Variants in SHISA6 observed in about 807,000 individuals in gnomAD.
SHISA6 encodes the protein protein shisa-6.
A neutral mutation model predicts 47.9 loss-of-function variants in SHISA6; 22 were observed. The ratio of observed to expected loss-of-function variants is 0.46; its 90% CI spans 0.33 to 0.66. The LOEUF is 0.66. Ranked by LOEUF, SHISA6 falls within the 30% of genes least tolerant of loss-of-function variation. The pLI, the probability that SHISA6 is intolerant of heterozygous loss-of-function variation, is 0.02. For synonymous variants in SHISA6, 388 were observed against 337.8 expected (o/e 1.15, Z -1.63); for missense variants, 680 against 764.6 (o/e 0.89, Z 1.30).
intron 3 of SHISA6, among the ~76,000 whole-genome samples, chr17:11,463,489 T>C (rs1391978336): frequency 1.3e-5 from 2 of 152,226 alleles, no homozygotes; most frequent in African/African-American, 2.4e-5. Context: ...AATTACAGCC[T>C]CTTCTCCAAT....
intron 3 of SHISA6, among the ~76,000 whole-genome samples, chr17:11,433,572 C>G (rs1914850845): frequency 6.6e-6 from 1 of 152,144 alleles, no homozygotes; most frequent in Non-Finnish European, 1.5e-5. Context: ...TTGTGGAAGA[C>G]AGCATGGCGT....
intron 4 of SHISA6, among the ~76,000 whole-genome samples, chr17:11,552,406 G>GA (rs1481626638): frequency 6.6e-6 from 1 of 152,200 alleles, no homozygotes; most frequent in Non-Finnish European, 1.5e-5. Flanking sequence ...CCTCTTGGCA[G>GA]AAAAAAGAGG....
chr17:11,441,802 G>T (rs1225024450), intron 3 of SHISA6, among the ~76,000 whole-genome samples: 1 of 152,164 alleles, frequency 6.6e-6, no homozygotes, highest in African/African-American at 2.4e-5. Flanking sequence ...CTTGAGTTGT[G>T]TCTGGTGCCA....
At chr17:11,475,878 T>C (rs1229396935) in intron 3 of SHISA6, among the ~76,000 whole-genome samples, 2 of 152,034 alleles carry the variant, frequency 1.3e-5, no homozygotes, top group East Asian at 1.9e-4. Context: ...CTTCCTTAAA[T>C]GTTTGGTAGA....
At chr17:11,295,965 A>C (rs1909739309) in intron 2 of SHISA6, among the ~76,000 whole-genome samples, 1 of 3,322 alleles carries the variant, frequency 3.0e-4, no homozygotes. Context: ...CTCCATCTCA[A>C]AAAAAAAAAA....
chr17:11,423,543 A>G (rs996923023), intron 3 of SHISA6, among the ~76,000 whole-genome samples: 8 of 151,922 alleles, frequency 5.3e-5, no homozygotes, highest in African/African-American at 1.9e-4. Context: ...AATATATCAT[A>G]AAAGAAATAA....
intron 3 of SHISA6, among the ~76,000 whole-genome samples, chr17:11,533,870 C>T (rs922438575): frequency 6.6e-6 from 1 of 152,048 alleles, no homozygotes; most frequent in Admixed American, 6.5e-5. Context: ...GGATTACAGG[C>T]GTGAGCCACC....
chr17:11,521,044 A>T (rs2071625300), intron 3 of SHISA6, among the ~76,000 whole-genome samples: 1 of 152,188 alleles, frequency 6.6e-6, no homozygotes, highest in African/African-American at 2.4e-5. Context: ...AATGGGGAAC[A>T]TTGTCATCAT....
chr17:11,376,733 A>G (rs981972255), intron 2 of SHISA6, among the ~76,000 whole-genome samples: 5 of 152,202 alleles, frequency 3.3e-5, no homozygotes, highest in African/African-American at 1.2e-4. Flanking sequence ...CCCTGGGTCC[A>G]GCAGAAGACT....
chr17:11,457,385 TAGA>T (rs2142310733), intron 3 of SHISA6, among the ~76,000 whole-genome samples: 1 of 152,294 alleles, frequency 6.6e-6, no homozygotes, highest in Admixed American at 6.5e-5. Flanking sequence ...TCTTTTGGAA[TAGA>T]AGCTTTCCTT....
intron 3 of SHISA6, among the ~76,000 whole-genome samples, chr17:11,406,012 T>C (rs1043287107): frequency 1.6e-4 from 25 of 152,308 alleles, no homozygotes; most frequent in Middle Eastern, 3.4e-3. Flanking sequence ...GAAGAGCTCA[T>C]TGAAACACAT....
intron 2 of SHISA6, among the ~76,000 whole-genome samples, chr17:11,303,552 A>G (rs1910002033): frequency 6.6e-6 from 1 of 151,796 alleles, no homozygotes; most frequent in Non-Finnish European, 1.5e-5. Context: ...TGAGAGTGTG[A>G]TCTTCTCTGA....
chr17:11,282,195 G>T (rs112751005), intron 2 of SHISA6, among the ~76,000 whole-genome samples: 3 of 152,084 alleles, frequency 2.0e-5, no homozygotes, highest in Non-Finnish European at 4.4e-5. Context: ...ACCTAAGTGC[G>T]TCTGCAGGTG....
chr17:11,487,463 G>A (rs1916381537), intron 3 of SHISA6, among the ~76,000 whole-genome samples: 1 of 152,164 alleles, frequency 6.6e-6, no homozygotes, highest in South Asian at 2.1e-4. Flanking sequence ...TGGTTGGGCG[G>A]AAAGTGGGGA....
intron 2 of SHISA6, among the ~76,000 whole-genome samples, chr17:11,274,689 A>G (rs1018377975): frequency 6.6e-6 from 1 of 152,196 alleles, no homozygotes; most frequent in Admixed American, 6.5e-5. Context: ...TGTGTACTGA[A>G]CACTTCGTTA....
chr17:11,470,081 G>A (rs1915901489), intron 3 of SHISA6, among the ~76,000 whole-genome samples: 1 of 152,160 alleles, frequency 6.6e-6, no homozygotes, highest in Non-Finnish European at 1.5e-5. Context: ...TGCAACCCAA[G>A]GAGAGGGACC....
chr17:11,256,779 A>G (rs571070276), intron 1 of SHISA6, among the ~76,000 whole-genome samples: 7 of 152,244 alleles, frequency 4.6e-5, no homozygotes, highest in African/African-American at 1.7e-4. Context: ...GCCTGGGGGA[A>G]TTTTCATATG....
chr17:11,315,164 A>C (rs1567569985), intron 2 of SHISA6, among the ~76,000 whole-genome samples: 2 of 152,070 alleles, frequency 1.3e-5, no homozygotes, highest in African/African-American at 2.4e-5. Flanking sequence ...TTTTAATCCT[A>C]GTGTTCTGAT....
intron 3 of SHISA6, among the ~76,000 whole-genome samples, chr17:11,448,465 G>A (rs532047041): frequency 1.5e-4 from 23 of 151,912 alleles, no homozygotes; most frequent in African/African-American, 4.1e-4. Flanking sequence ...CCAAGAGATC[G>A]AGGCTGCAGT....
Sources: gnomAD v4.1 joint callset for allele counts (sites outside exome capture counted in the v4.1 genomes callset) on GRCh38, gnomAD v4.1.1 for gene constraint, MANE v1.5 for transcripts, NCBI Gene and HGNC (gene_info 2026-07-23, HGNC 2026-07-21) for gene names.